The following ADGRD1 variants were observed in gnomAD, a reference collection of about 807,000 sequenced individuals.
The protein encoded by ADGRD1 is adhesion G protein-coupled receptor D1, also known as G-protein coupled receptor 133.
In ADGRD1, 77 loss-of-function variants were observed where a neutral mutation model predicts 113.4. The ratio of observed to expected loss-of-function variants is 0.68; its 90% confidence interval spans 0.57 to 0.82. The LOEUF (loss-of-function observed/expected upper bound fraction) is 0.82. Among genes scored for constraint, ADGRD1 ranks in the 40% least tolerant of loss-of-function variants. The pLI, the probability that ADGRD1 is intolerant of heterozygous loss-of-function variation, is 0.00. For missense variants in ADGRD1, 1,036 were observed against 1,139.1 expected (o/e 0.91, Z 1.30); for synonymous variants, 474 against 475.0 (o/e 1.00, Z 0.03).
chr12:131,002,718 C>G, intron 9 of ADGRD1: 1 of 1,241,252 alleles, frequency 8.1e-7, no homozygotes, highest in Non-Finnish European at 1.0e-6. Context: ...CCAGAGATAG[C>G]TCTGGGTGCC....
chr12:131,011,127 C>A (rs1442613371), intron 12 of ADGRD1, among the ~76,000 whole-genome samples: 1 of 136,434 alleles, frequency 7.3e-6, no homozygotes, highest in Non-Finnish European at 1.6e-5. Flanking sequence ...CACCTCACCC[C>A]TTCCCCACCC....
At chr12:130,994,323 G>A (rs181564316) in intron 8 of ADGRD1, 16 of 423,730 alleles carry the variant, frequency 3.8e-5, no homozygotes, top group Middle Eastern at 6.9e-4. Flanking sequence ...GCTACAAGGG[G>A]TGACTGTGGC....
chr12:131,003,744 C>T lies in ADGRD1; in HGVS notation c.1144+442C>T, dbSNP rs1036513735. On this transcript the variant is annotated intron_variant, in intron 10 of 24. Transcript: ENST00000261654. This position sits in a 1 kb window ranked among gnomAD's most constrained non-coding sequence, Gnocchi z 4.8. Reference sequence around the variant, plus strand: ...AAGTCTTTACCAGGAGTGCATTATCCTGCTGATACTTCGCTGCAAGAGCCG... The same window carrying T: ...AAGTCTTTACCAGGAGTGCATTATCTTGCTGATACTTCGCTGCAAGAGCCG... Among the ~76,000 whole-genome samples the T allele has an allele frequency of 6.6e-6, 1 of 152,246 alleles. No homozygotes were observed. Among genetic ancestry groups the T allele is most frequent in the Non-Finnish European group, 1.5e-5 (1 of 68,048 alleles).
chr12:131,136,288 A>T, intron 22 of ADGRD1, 125 bp downstream of exon 22: 1 of 1,166,618 alleles, frequency 8.6e-7, no homozygotes, highest in South Asian at 1.4e-5. Context: ...GGAGCCTGTA[A>T]TGCGGGGCAT....
rs74509461 is a variant in ADGRD1 at position 131,116,109 on chromosome 12, C to T, written c.2042-2276C>T. ...AGCCCCACAAACGCACTCACCCAGA[C>T]TTCATAGCTCCTGCAGCTCATTTTG... On this transcript the variant is annotated intron_variant, in intron 18 of 24. Transcript: ENST00000261654. Among the ~76,000 whole-genome samples the T allele has an allele frequency of 4.7e-3, 713 of 152,370 alleles. 9 individuals carry two copies. The highest frequency in any genetic ancestry group is 0.016 in the African/African-American group (681 of 41,584).
At chr12:130,989,558 C>T (rs745872217) in intron 6 of ADGRD1, 1 of 152,230 alleles carries the variant, frequency 6.6e-6, no homozygotes, top group Non-Finnish European at 1.5e-5. Context: ...ACAACTGGAA[C>T]TGAAATCCAG....
intron 21 of ADGRD1, among the ~76,000 whole-genome samples, chr12:131,132,686 C>T (rs551092572): frequency 6.6e-6 from 1 of 152,322 alleles, no homozygotes; most frequent in African/African-American, 2.4e-5. Flanking sequence ...ACGATGGGGA[C>T]TCAGGCTGGA....
chr12:131,039,011 C>T (rs1445606045), intron 13 of ADGRD1, among the ~76,000 whole-genome samples: 2 of 152,246 alleles, frequency 1.3e-5, no homozygotes, highest in South Asian at 2.1e-4. Context: ...CTCCCCAGAG[C>T]CTCTCCAGGC....
intron 13 of ADGRD1, among the ~76,000 whole-genome samples, chr12:131,040,452 T>C (rs1882004757): frequency 6.6e-6 from 1 of 152,254 alleles, no homozygotes; most frequent in African/African-American, 2.4e-5. Flanking sequence ...ATCATGTGTT[T>C]GGTACACCCT....
rs776913041 is a variant in ADGRD1 at position 130,982,063 on chromosome 12, G to GGTGA, written c.490+5_490+8dup. ...ATGGGAGGCCTCCTTCAGCCCCCCA[G>GGTGA]GTGAGTGACAGCATCGGTCCCGGGA... On this transcript the variant is annotated frameshift_variant and splice_region_variant. Coordinates refer to ENST00000261654, the MANE Select transcript of ADGRD1 (RefSeq NM_198827.5). LOFTEE classifies it high-confidence loss of function. The GGTGA allele has an allele frequency of 1.6e-5, 26 of 1,612,410 alleles. No individual in the cohort carries two copies. In the Middle Eastern group the frequency reaches 6.9e-4, roughly 43 times the overall value.
chr12:131,029,944 C>T (rs1593073501), intron 13 of ADGRD1, among the ~76,000 whole-genome samples: 6 of 130,334 alleles, frequency 4.6e-5, no homozygotes, highest in Admixed American at 7.6e-5. Context: ...GTGGACCCCT[C>T]GTTCAGTGAC....
chr12:131,139,209 C>T lies in ADGRD1; in HGVS notation c.2571C>T (p.Ser857=), dbSNP rs1293968068. 6.2e-7 allele frequency: 1 copy of T among 1,613,002 alleles called. No individual in the cohort carries two copies. Residue 857 remains serine, a synonymous_variant, in exon 25 of 25, where the codon AGC becomes AGT. Coordinates refer to ENST00000261654, the MANE Select transcript of ADGRD1 (RefSeq NM_198827.5). ...CAGGCATGGCCTCCACCAAGCTCAG[C>T]CCTTGGGACAAGAGCAGCCACTCTG... ...TRPGMASTKL[S]PWDKSSHSAH... is the part of the protein sequence containing the mutation.
chr12:131,080,862 C>T lies in ADGRD1; in HGVS notation c.1548-3678C>T, dbSNP rs535848015. Among the ~76,000 whole-genome samples, 188 of 152,224 alleles carry T rather than the reference C, an allele frequency of 1.2e-3. 3 individuals carry two copies. Among genetic ancestry groups the T allele is most frequent in the East Asian group, 1.4e-3 (7 of 5,184 alleles). On this transcript the variant is annotated intron_variant, in intron 14 of 24. Transcript: ENST00000261654. ...GTCTCGATCTCCTGACCTCGTGATC[C>T]GCCCGCCTCGGCCTCCCAAAGTGCT...
At chr12:130,996,203 T>C (rs7962805) in intron 8 of ADGRD1, among the ~76,000 whole-genome samples, 52,277 of 123,828 alleles carry the variant, frequency 0.42, 12,525 homozygotes, top group African/African-American at 0.5. Flanking sequence ...GGCAACCATC[T>C]GATTTCTCAA....
rs891590002 is a variant in ADGRD1, at chr12:131,093,351, G to A, written c.1671+8688G>A. ...TCTGGGCATTTCTAAATCTAGCTAT[G>A]GGTGGGAAAGGAAGGGCACCGTGGG... is the stretch of plus-strand genomic sequence containing the variant. On this transcript the variant is annotated intron_variant, in intron 15 of 24. Transcript: ENST00000261654. 9.8e-5 allele frequency among the ~76,000 whole-genome samples: 15 copies of A among 152,292 alleles called. No individual in the cohort carries two copies. In the South Asian group the frequency reaches 2.7e-3, roughly 27 times the overall value.
At chr12:131,053,591 C>T (rs1041987216) in intron 13 of ADGRD1, among the ~76,000 whole-genome samples, 1 of 152,122 alleles carries the variant, frequency 6.6e-6, no homozygotes, top group Non-Finnish European at 1.5e-5. Context: ...TTAGACTTTC[C>T]ATAACATCAG....
chr12:131,028,480 C>T (rs1431276702), intron 13 of ADGRD1, among the ~76,000 whole-genome samples: 1 of 152,108 alleles, frequency 6.6e-6, no homozygotes, highest in Non-Finnish European at 1.5e-5. Flanking sequence ...CTTCTGTATT[C>T]AGTGCTTTTA....
intron 13 of ADGRD1, among the ~76,000 whole-genome samples, chr12:131,072,251 G>A (rs1004719618): frequency 1.3e-5 from 2 of 152,142 alleles, no homozygotes; most frequent in South Asian, 4.2e-4. Flanking sequence ...TTGGAGGGAG[G>A]GACACAGTTT....
intron 13 of ADGRD1, among the ~76,000 whole-genome samples, chr12:131,015,767 C>T (rs554697015): frequency 3.0e-4 from 45 of 152,312 alleles, no homozygotes; most frequent in Middle Eastern, 3.4e-3. Flanking sequence ...CCGCCCCTCC[C>T]GGTGTCCCTC....
Sources: gnomAD v4.1 joint callset for allele counts (sites outside exome capture counted in the v4.1 genomes callset) on GRCh38, gnomAD v4.1.1 for gene constraint, Gnocchi (gnomAD v3.1) non-coding constraint, MANE v1.5 for transcripts, NCBI Gene and HGNC (gene_info 2026-07-23, HGNC 2026-07-21) for gene names.